TSPEAR: variants seen among roughly 807,000 people sequenced by gnomAD.
TSPEAR encodes thrombospondin type laminin G domain and EAR repeats.
A neutral mutation model predicts 71.6 loss-of-function variants in TSPEAR; 69 were observed. That is an observed-to-expected ratio of 0.96 (90% CI 0.79 to 1.18). The LOEUF (loss-of-function observed/expected upper bound fraction) is 1.18. Among genes scored for constraint, TSPEAR ranks in the 50% most tolerant of loss-of-function variants. The probability of loss-of-function intolerance (pLI) is 0.00; values close to 1 mark genes in which losing one functional copy is unlikely to be tolerated. For synonymous variants in TSPEAR, 402 were observed against 387.2 expected (o/e 1.04, Z -0.45); for missense variants, 971 against 894.9 (o/e 1.09, Z -1.09).
chr21:44,668,983 C>T (rs587624151), intron 1 of TSPEAR, among the ~76,000 whole-genome samples: 3 of 152,198 alleles, frequency 2.0e-5, no homozygotes, highest in African/African-American at 7.2e-5. Context: ...ATTTTAAAAT[C>T]CACATGATAG....
At position 44,533,775 on chromosome 21, in the gene TSPEAR, G is replaced by C; in HGVS notation, c.452C>G (p.Ala151Gly). 6.2e-7 allele frequency: 1 copy of C among 1,612,492 alleles called. No homozygotes were observed. The highest frequency in any genetic ancestry group is 1.1e-5 in the South Asian group (1 of 91,068). Residue 151 changes from alanine (A) to glycine (G), a missense_variant, in exon 3 of 12, where the codon GCC becomes GGC. By Grantham distance (60) the Ala-to-Gly change is moderately conservative. Coordinates refer to ENST00000323084, the MANE Select transcript of TSPEAR (RefSeq NM_144991.3). ...WQTRVSFRSP[A>G]LVDGRWHTLV... is the part of the protein sequence containing the mutation. ...TGTGTGCCAGCGGCCATCCACCAGG[G>C]CCGGGCTGCGGAAGGACACTCGGGT...
At chr21:44,629,683 G>T (rs1259674989) in intron 1 of TSPEAR, among the ~76,000 whole-genome samples, 2 of 152,196 alleles carry the variant, frequency 1.3e-5, no homozygotes, top group Non-Finnish European at 2.9e-5. Flanking sequence ...AAACTGCAGC[G>T]ATGGACATTT....
intron 1 of TSPEAR, chr21:44,637,740 T>C (rs2146220354): frequency 7.5e-7 from 1 of 1,335,678 alleles, no homozygotes; most frequent in East Asian, 2.4e-5. Context: ...TGCGTGCCCG[T>C]CTGTAACAAG....
chr21:44,655,405 C>T (rs781959045), intron 1 of TSPEAR, among the ~76,000 whole-genome samples: 27 of 152,156 alleles, frequency 1.8e-4, no homozygotes, highest in Admixed American at 6.5e-4. Flanking sequence ...ACATCAGCCA[C>T]GTTGGCGTCT....
chr21:44,682,121 C>T (rs1407785637), intron 1 of TSPEAR: 18 of 1,613,284 alleles, frequency 1.1e-5, no homozygotes, highest in Non-Finnish European at 1.5e-5. Flanking sequence ...TGGTGTGGCA[C>T]ATGGTGGCGT....
At chr21:44,660,919 A>C (rs961041359) in intron 1 of TSPEAR, among the ~76,000 whole-genome samples, 17 of 152,214 alleles carry the variant, frequency 1.1e-4, no homozygotes, top group Admixed American at 2.6e-4. Flanking sequence ...GTGAGCCAAG[A>C]TCGCACCACT....
chr21:44,663,565 A>G (rs1985605152), intron 1 of TSPEAR, among the ~76,000 whole-genome samples: 1 of 152,134 alleles, frequency 6.6e-6, no homozygotes, highest in South Asian at 2.1e-4. Flanking sequence ...ACTCTTCCAG[A>G]AAATAGAAGG....
intron 1 of TSPEAR, among the ~76,000 whole-genome samples, chr21:44,651,101 C>A (rs1984761688): frequency 2.0e-5 from 3 of 152,066 alleles, no homozygotes; most frequent in African/African-American, 4.8e-5. Flanking sequence ...TAGAGTAGAG[C>A]CTCTTCCAGG....
chr21:44,602,483 C>T (rs1281129448), intron 1 of TSPEAR, among the ~76,000 whole-genome samples: 1 of 142,326 alleles, frequency 7.0e-6, no homozygotes, highest in East Asian at 2.1e-4. Context: ...TGGGTCCACA[C>T]GGTGGGCGGG....
intron 1 of TSPEAR, chr21:44,638,327 A>C (rs233301): frequency 0.23 from 70,606 of 309,792 alleles, 24,900 homozygotes; most frequent in South Asian, 0.5. Flanking sequence ...TTCCCAGATG[A>C]TGGCTGCCTG....
chr21:44,638,560 C>G (rs1555937802), intron 1 of TSPEAR: 1 of 268,756 alleles, frequency 3.7e-6, no homozygotes, highest in East Asian at 8.6e-5. Flanking sequence ...CCTGGCTCCA[C>G]CCCTCTGTCT....
intron 3 of TSPEAR, among the ~76,000 whole-genome samples, chr21:44,532,291 G>A (rs1051339722): frequency 5.3e-5 from 8 of 152,242 alleles, no homozygotes; most frequent in Admixed American, 2.6e-4. Context: ...GCAGGTGAAC[G>A]TTTGTCCAGG....
rs200128642 is a variant in TSPEAR, at chr21:44,579,777, G to T, written c.83-11772C>A. On this transcript the variant is annotated intron_variant, in intron 1 of 11. Transcript: ENST00000323084. ...GAGCAGAGGCCTCAGCAGGCCAGGGGGGAGCACGCGGGGCGGCAGAGGAGG... is the reference window on the plus strand; with the variant it reads ...GAGCAGAGGCCTCAGCAGGCCAGGGTGGAGCACGCGGGGCGGCAGAGGAGG... The T allele has an allele frequency of 5.5e-5, 88 of 1,611,940 alleles. 1 individual carries two copies. The Admixed American group carries it at 1.3e-3, about 23-fold the overall frequency.
intron 1 of TSPEAR, among the ~76,000 whole-genome samples, chr21:44,630,046 C>T (rs182496839): frequency 6.6e-6 from 1 of 152,194 alleles, no homozygotes; most frequent in Non-Finnish European, 1.5e-5. Context: ...CTTCAGGGGC[C>T]GTGGTACACA....
chr21:44,580,986 T>C (rs1321631576), intron 1 of TSPEAR, among the ~76,000 whole-genome samples: 1 of 152,216 alleles, frequency 6.6e-6, no homozygotes, highest in Non-Finnish European at 1.5e-5. Flanking sequence ...TTTGGACTGA[T>C]TGGATATATT....
At chr21:44,555,138 C>T (rs1028970933) in intron 2 of TSPEAR, among the ~76,000 whole-genome samples, 1 of 152,046 alleles carries the variant, frequency 6.6e-6, no homozygotes, top group Non-Finnish European at 1.5e-5. Context: ...CAGGCGGAAA[C>T]CTCAAAAGCA....
intron 1 of TSPEAR, among the ~76,000 whole-genome samples, chr21:44,658,702 T>C (rs768883924): frequency 2.2e-4 from 34 of 151,896 alleles, no homozygotes; most frequent in Non-Finnish European, 4.3e-4. Context: ...GTCCCCCGAC[T>C]CCCTCCCCAA....
At chr21:44,539,267 C>T in intron 2 of TSPEAR, 1 of 1,596,926 alleles carries the variant, frequency 6.3e-7, no homozygotes, top group Non-Finnish European at 8.5e-7. Context: ...GGCGGGTGCC[C>T]ATCAGCAGCT....
intron 2 of TSPEAR, among the ~76,000 whole-genome samples, chr21:44,538,313 C>T (rs587624588): frequency 6.1e-4 from 93 of 152,200 alleles, no homozygotes; most frequent in South Asian, 1.9e-3. Context: ...TCATGCTCCC[C>T]GCGTGGACCA....
Sources: gnomAD v4.1 joint callset for allele counts (sites outside exome capture counted in the v4.1 genomes callset) on GRCh38, gnomAD v4.1.1 for gene constraint, MANE v1.5 for transcripts, NCBI Gene and HGNC (gene_info 2026-07-23, HGNC 2026-07-21) for gene names.